ALK: variants seen among roughly 807,000 people sequenced by gnomAD.
The protein encoded by ALK is ALK receptor tyrosine kinase.
In ALK, 74 loss-of-function variants were observed where a neutral mutation model predicts 163.1. The observed-to-expected ratio is 0.45, with a 90% CI of 0.38 to 0.55. The LOEUF (loss-of-function observed/expected upper bound fraction) is 0.55. Ranked by LOEUF, ALK falls within the 20% of genes least tolerant of loss-of-function variation. The pLI is 0.00. For synonymous variants in ALK, 960 were observed against 843.2 expected (o/e 1.14, Z -2.40); for missense variants, 2,063 against 2,105.3 (o/e 0.98, Z 0.39).
At chr2:29,417,807 C>T (rs1051165156) in intron 4 of ALK, among the ~76,000 whole-genome samples, 1 of 152,194 alleles carries the variant, frequency 6.6e-6, no homozygotes, top group African/African-American at 2.4e-5. Flanking sequence ...GTGCTCTATT[C>T]TTGCATCTGC....
Position 29,345,403 on chromosome 2 carries a change from C to T in ALK, c.1283-16922G>A, listed in dbSNP as rs116536045. 6.9e-3 allele frequency among the ~76,000 whole-genome samples: 1,026 copies of T among 149,586 alleles called. 13 individuals carry two copies. Among genetic ancestry groups the T allele is most frequent in the African/African-American group, 0.023 (929 of 40,516 alleles). ...CAGCCTGGGTGACTGAGTGTGAGAC[C>T]CTGTCTTAATTTAAATAAATAAATA... On this transcript the variant is annotated intron_variant, in intron 5 of 28. Transcript: ENST00000389048.
chr2:29,633,737 G>T (rs976337387), intron 3 of ALK, among the ~76,000 whole-genome samples: 1 of 152,104 alleles, frequency 6.6e-6, no homozygotes, highest in African/African-American at 2.4e-5. Flanking sequence ...AACAAGGGTT[G>T]CTATGGAGCA....
chr2:29,352,129 G>C (rs943706563), intron 5 of ALK, among the ~76,000 whole-genome samples: 7 of 152,258 alleles, frequency 4.6e-5, no homozygotes, highest in South Asian at 4.1e-4. Flanking sequence ...TTCAAGTTGT[G>C]CTACCGATTA....
At chr2:29,400,390 T>TC (rs1388380876) in intron 4 of ALK, among the ~76,000 whole-genome samples, 5 of 152,154 alleles carry the variant, frequency 3.3e-5, no homozygotes, top group Admixed American at 6.5e-5. Flanking sequence ...TATTGGGAGA[T>TC]CCATGCTCTT....
At chr2:29,222,709 G>A (rs941497595) in intron 20 of ALK, 102 bp from the exon 21 acceptor site, 10 of 960,844 alleles carry the variant, frequency 1.0e-5, no homozygotes, top group Non-Finnish European at 1.5e-5. Flanking sequence ...GGACAAACAC[G>A]AGAGGCGGGG....
intron 4 of ALK, among the ~76,000 whole-genome samples, chr2:29,487,341 A>G (rs948589275): frequency 1.3e-5 from 2 of 152,182 alleles, no homozygotes; most frequent in African/African-American, 2.4e-5. Context: ...GGGAACCCCC[A>G]TACCCCCAGA....
At chr2:29,638,550 C>G (rs1573518906) in intron 3 of ALK, among the ~76,000 whole-genome samples, 1 of 151,720 alleles carries the variant, frequency 6.6e-6, no homozygotes, top group Non-Finnish European at 1.5e-5. Flanking sequence ...GCGGATAATG[C>G]TGGGGCAGGG....
chr2:29,541,561 G>T (rs530108237), intron 3 of ALK, among the ~76,000 whole-genome samples: 1 of 152,208 alleles, frequency 6.6e-6, no homozygotes, highest in Admixed American at 6.5e-5. Flanking sequence ...AAAGTGCTGG[G>T]ATTACAGGTG....
rs1412087453 is a variant in ALK, at chr2:29,195,921, A to G, written c.4164+849T>C. ...GGCAGCAAGGCTGGCCTTGAAGGGG[A>G]GGAGAGACGGGAAGGCAGGTGGTGA... On this transcript the variant is annotated intron_variant, in intron 28 of 28. Transcript: ENST00000389048. Among the ~76,000 whole-genome samples, 3 of 152,290 alleles carry G rather than the reference A, an allele frequency of 2.0e-5. No homozygotes were observed. The East Asian group carries it at 5.8e-4, about 29-fold the overall frequency.
chr2:29,580,573 C>CCATG (rs1674657662), intron 3 of ALK, among the ~76,000 whole-genome samples: 1 of 152,168 alleles, frequency 6.6e-6, no homozygotes, highest in Non-Finnish European at 1.5e-5. Context: ...TTATTACAGT[C>CCATG]CATGCAGAAA....
At chr2:29,559,047 A>T (rs1490784981) in intron 3 of ALK, among the ~76,000 whole-genome samples, 1 of 152,164 alleles carries the variant, frequency 6.6e-6, no homozygotes, top group African/African-American at 2.4e-5. Flanking sequence ...TCCAGTACCT[A>T]ACATACCTTG....
chr2:29,479,456 G>A (rs1225387118), intron 4 of ALK, among the ~76,000 whole-genome samples: 2 of 152,178 alleles, frequency 1.3e-5, no homozygotes, highest in African/African-American at 4.8e-5. Flanking sequence ...TCTTACCAAA[G>A]CTTTAGGGTG....
At chr2:29,269,911 T>A (rs749854719) in intron 11 of ALK, among the ~76,000 whole-genome samples, 2 of 152,226 alleles carry the variant, frequency 1.3e-5, no homozygotes, top group African/African-American at 2.4e-5. Context: ...TTCTTACATG[T>A]GCGTGGGAAC....
intron 3 of ALK, among the ~76,000 whole-genome samples, chr2:29,658,016 C>T (rs1459674968): frequency 6.6e-6 from 1 of 152,082 alleles, no homozygotes; most frequent in Non-Finnish European, 1.5e-5. Context: ...CTCTGCGGGC[C>T]ATGCATGTGT....
chr2:29,414,103 G>C (rs1002657248), intron 4 of ALK, among the ~76,000 whole-genome samples: 1 of 152,216 alleles, frequency 6.6e-6, no homozygotes, highest in African/African-American at 2.4e-5. Flanking sequence ...TATGAGGTTA[G>C]GATGGCTACA....
chr2:29,717,821 G>A, intron 1 of ALK, 124 bp from the exon 2 acceptor site: 1 of 1,362,662 alleles, frequency 7.3e-7, no homozygotes, highest in South Asian at 1.2e-5. Flanking sequence ...GGAAGATGAG[G>A]GGGAAAAAAT....
intron 3 of ALK, among the ~76,000 whole-genome samples, chr2:29,639,753 G>A (rs1297028298): frequency 1.3e-5 from 2 of 152,176 alleles, no homozygotes; most frequent in Non-Finnish European, 2.9e-5. Context: ...GTTTTTCAAG[G>A]AAGCAAAGGT....
chr2:29,426,069 T>C (rs1170682800), intron 4 of ALK, among the ~76,000 whole-genome samples: 1 of 152,218 alleles, frequency 6.6e-6, no homozygotes, highest in East Asian at 1.9e-4. Flanking sequence ...AACAATGGAA[T>C]AATCAGCTGA....
intron 1 of ALK, among the ~76,000 whole-genome samples, chr2:29,803,712 T>G (rs1664541348): frequency 6.6e-6 from 1 of 152,216 alleles, no homozygotes; most frequent in African/African-American, 2.4e-5. Context: ...TGTCTCGGCT[T>G]GTCTACATAG....
Sources: allele counts gnomAD v4.1 joint callset (sites outside exome capture counted in the v4.1 genomes callset), GRCh38; gene constraint gnomAD v4.1.1; transcripts MANE v1.5; gene names NCBI Gene and HGNC (gene_info 2026-07-23, HGNC 2026-07-21).